TFEC: variants seen among roughly 807,000 people sequenced by gnomAD.
TFEC encodes the protein class E basic helix-loop-helix protein 34.
In TFEC, 31 loss-of-function variants were observed where a neutral mutation model predicts 41.6. The observed-to-expected ratio is 0.74, with a 90% CI of 0.56 to 1.01. TFEC has a LOEUF of 1.01. TFEC is among the 50% of genes least tolerant of loss of function. The pLI is 0.00. For synonymous variants in TFEC, 143 were observed against 140.6 expected, an observed-to-expected ratio of 1.02 and a Z score of -0.12; for missense variants, 402 against 404.1, an observed-to-expected ratio of 0.99 and a Z score of 0.04.
At chr7:115,990,679 G>C (rs1193109266) in intron 1 of TFEC, among the ~76,000 whole-genome samples, 1 of 151,984 alleles carries the variant, frequency 6.6e-6, no homozygotes, top group Non-Finnish European at 1.5e-5. Flanking sequence ...GAGAAGTTTA[G>C]AAAAAAGAGT....
At chr7:116,019,857 C>T (rs927754071) in intron 1 of TFEC, among the ~76,000 whole-genome samples, 4 of 152,164 alleles carry the variant, frequency 2.6e-5, no homozygotes, top group African/African-American at 9.7e-5. Flanking sequence ...CTAACTAAGG[C>T]TCAGAGAGAT....
chr7:116,114,549 C>T (rs1477583582), intron 1 of TFEC, among the ~76,000 whole-genome samples: 1 of 151,916 alleles, frequency 6.6e-6, no homozygotes, highest in African/African-American at 2.4e-5. Flanking sequence ...ATGCTGAGGG[C>T]ATCTGGATGC....
intron 3 of TFEC, among the ~76,000 whole-genome samples, chr7:115,973,962 GAC>G (rs1418937278): frequency 6.6e-6 from 1 of 152,006 alleles, no homozygotes; most frequent in African/African-American, 2.4e-5. Context: ...GACAGAGAGA[GAC>G]AGAGAGAGAG....
chr7:115,994,400 A>T (rs1001314463), intron 1 of TFEC, among the ~76,000 whole-genome samples: 8 of 152,242 alleles, frequency 5.3e-5, no homozygotes, highest in African/African-American at 1.9e-4. Flanking sequence ...AATGGAAACT[A>T]CCATCAGAGT....
intron 1 of TFEC, among the ~76,000 whole-genome samples, chr7:116,026,616 G>A (rs538221093): frequency 6.6e-6 from 1 of 152,206 alleles, no homozygotes; most frequent in Non-Finnish European, 1.5e-5. Flanking sequence ...CATGTCACTG[G>A]GCAGATTCAT....
intron 1 of TFEC, among the ~76,000 whole-genome samples, chr7:116,141,846 T>C (rs958611868): frequency 3.3e-5 from 5 of 152,222 alleles, no homozygotes; most frequent in African/African-American, 1.2e-4. Flanking sequence ...TCAATAGTTT[T>C]CTAAGAAGCA....
At chr7:116,143,946 G>A (rs113032870) in intron 1 of TFEC, among the ~76,000 whole-genome samples, 2,090 of 151,670 alleles carry the variant, frequency 0.014, 43 homozygotes, top group African/African-American at 0.048. Flanking sequence ...CTCGCCGAGC[G>A]CGGTGGCTCA....
chr7:115,959,036 G>C (rs1283613821), intron 3 of TFEC, among the ~76,000 whole-genome samples: 1 of 151,762 alleles, frequency 6.6e-6, no homozygotes, highest in Non-Finnish European at 1.5e-5. Flanking sequence ...AAGTAACTTA[G>C]GTAATAAAGT....
At chr7:116,050,293 A>C (rs1049543640) in intron 3 of TFEC, among the ~76,000 whole-genome samples, 7 of 152,220 alleles carry the variant, frequency 4.6e-5, no homozygotes, top group African/African-American at 1.4e-4. Flanking sequence ...AAAAATGATA[A>C]AGGGGATATC....
At chr7:116,095,946 A>G (rs1797444177) in intron 3 of TFEC, among the ~76,000 whole-genome samples, 3 of 152,112 alleles carry the variant, frequency 2.0e-5, no homozygotes, top group Admixed American at 2.0e-4. Flanking sequence ...TTGCCTTTGC[A>G]ACTAACTGCC....
At chr7:116,086,844 T>C (rs540486096) in intron 3 of TFEC, among the ~76,000 whole-genome samples, 7 of 152,080 alleles carry the variant, frequency 4.6e-5, no homozygotes, top group African/African-American at 1.7e-4. Flanking sequence ...AATTATGCAA[T>C]TTCTACTCCC....
intron 3 of TFEC, among the ~76,000 whole-genome samples, chr7:116,047,465 C>A (rs2130941370): frequency 6.6e-6 from 1 of 152,210 alleles, no homozygotes; most frequent in Non-Finnish European, 1.5e-5. Context: ...GGGTGTCCAC[C>A]ATTGCTGAGG....
At chr7:116,141,820 A>T (rs1186952579) in intron 1 of TFEC, among the ~76,000 whole-genome samples, 1 of 152,232 alleles carries the variant, frequency 6.6e-6, no homozygotes, top group Non-Finnish European at 1.5e-5. Flanking sequence ...AGTAGGGCTA[A>T]TTCAACAATT....
At chr7:115,984,098 T>G (rs2130672463) in intron 2 of TFEC, among the ~76,000 whole-genome samples, 164 bp downstream of exon 2, 1 of 152,216 alleles carries the variant, frequency 6.6e-6, no homozygotes, top group East Asian at 1.9e-4. Context: ...GCATAGGAAT[T>G]TATATGCATA....
chr7:115,941,385 GAA>G, intron 7 of TFEC: 1 of 162,636 alleles, frequency 6.1e-6, no homozygotes, highest in Non-Finnish European at 1.3e-5. Context: ...TGGATTATAT[GAA>G]CAGATGAGAA....
chr7:116,048,421 A>G (rs1796224819), intron 3 of TFEC, among the ~76,000 whole-genome samples: 2 of 152,276 alleles, frequency 1.3e-5, no homozygotes, highest in Admixed American at 6.5e-5. Flanking sequence ...CAACAAGAGA[A>G]GCTTAGAGAA....
At chr7:115,956,882 A>G (rs1158464552) in intron 3 of TFEC, 89 bp from the exon 4 acceptor site, 1 of 736,138 alleles carries the variant, frequency 1.4e-6, no homozygotes, top group Non-Finnish European at 1.9e-6. Flanking sequence ...TCCACTTTAA[A>G]TGTGGCATTT....
At chr7:116,064,848 G>C (rs979491681) in intron 3 of TFEC, among the ~76,000 whole-genome samples, 1 of 152,078 alleles carries the variant, frequency 6.6e-6, no homozygotes, top group Non-Finnish European at 1.5e-5. Context: ...TTGGCCACAG[G>C]TACCCCTGAA....
chr7:115,998,932 A>T (rs1271171836), intron 1 of TFEC, among the ~76,000 whole-genome samples: 2 of 152,088 alleles, frequency 1.3e-5, no homozygotes, highest in Non-Finnish European at 2.9e-5. Flanking sequence ...TCATCCACAC[A>T]GAAAATCAAT....
Sources: gnomAD v4.1 joint callset for allele counts (sites outside exome capture counted in the v4.1 genomes callset) on GRCh38, gnomAD v4.1.1 for gene constraint, MANE v1.5 for transcripts, NCBI Gene and HGNC (gene_info 2026-07-23, HGNC 2026-07-21) for gene names.